The following PLCB1 variants were observed in gnomAD, a reference collection of about 807,000 sequenced individuals.
The protein encoded by PLCB1 is 1-phosphatidylinositol 4,5-bisphosphate phosphodiesterase beta-1.
In PLCB1, 46 loss-of-function variants were observed where a neutral mutation model predicts 161.8. The observed-to-expected ratio is 0.28, with a 90% CI of 0.22 to 0.36. The LOEUF (loss-of-function observed/expected upper bound fraction) is 0.36. Among genes scored for constraint, PLCB1 ranks in the 10% least tolerant of loss-of-function variants. The pLI is 1.00. For missense variants in PLCB1, 1,016 were observed against 1,472.5 expected (o/e 0.69, Z 5.07); for synonymous variants, 517 against 503.7 (o/e 1.03, Z -0.35).
At chr20:8,278,271 TTA>T (rs1416044978) in intron 2 of PLCB1, among the ~76,000 whole-genome samples, 6 of 146,452 alleles carry the variant, frequency 4.1e-5, no homozygotes, top group Admixed American at 2.7e-4. Context: ...TATAAATATA[TTA>T]TATAAATATA....
chr20:8,860,472 C>T (rs1054037579), intron 31 of PLCB1, among the ~76,000 whole-genome samples: 1 of 152,208 alleles, frequency 6.6e-6, no homozygotes, highest in Non-Finnish European at 1.5e-5. Flanking sequence ...TATTATTTAA[C>T]TTTGCCTTGG....
chr20:8,848,118 CTT>C (rs1454555725), intron 31 of PLCB1, among the ~76,000 whole-genome samples: 2 of 152,170 alleles, frequency 1.3e-5, no homozygotes, highest in East Asian at 3.9e-4. Context: ...TTAATCACCT[CTT>C]GTTTGCCCCA....
intron 31 of PLCB1, among the ~76,000 whole-genome samples, chr20:8,814,880 G>A (rs189562325): frequency 1.2e-4 from 19 of 152,280 alleles, no homozygotes; most frequent in African/African-American, 4.6e-4. Flanking sequence ...GGCCCAGAGA[G>A]GTCCACTTAC....
chr20:8,347,521 A>G (rs1192062845), intron 2 of PLCB1, among the ~76,000 whole-genome samples: 1 of 152,086 alleles, frequency 6.6e-6, no homozygotes, highest in Non-Finnish European at 1.5e-5. Flanking sequence ...TTTCTTTTAT[A>G]TTTCCTTGGA....
intron 2 of PLCB1, among the ~76,000 whole-genome samples, chr20:8,259,065 C>T (rs1204266250): frequency 6.6e-6 from 1 of 152,174 alleles, no homozygotes; most frequent in Non-Finnish European, 1.5e-5. Flanking sequence ...TTTCATGTAG[C>T]ATAACGCCTT....
rs1327412187 is a variant in PLCB1 at position 8,743,822 on chromosome 20, A to C, written c.2523+2249A>C. 5.3e-5 allele frequency among the ~76,000 whole-genome samples: 8 copies of C among 152,154 alleles called. No homozygotes were observed. In the East Asian group the frequency reaches 1.5e-3, roughly 29 times the overall value. On this transcript the variant is annotated intron_variant, in intron 23 of 31. Transcript: ENST00000338037. ...TATAATAGTGCTTTTTCTCTTTTCC[A>C]TGGCCTTTAAAAGATTAAGAAAGAC...
At chr20:8,391,148 T>C (rs997266609) in intron 3 of PLCB1, among the ~76,000 whole-genome samples, 9 of 152,214 alleles carry the variant, frequency 5.9e-5, no homozygotes, top group African/African-American at 2.2e-4. Context: ...CACTATAATC[T>C]ATATTTATAT....
intron 2 of PLCB1, among the ~76,000 whole-genome samples, chr20:8,335,877 A>G (rs1985555667): frequency 1.3e-5 from 2 of 152,354 alleles, no homozygotes; most frequent in Admixed American, 1.3e-4. Flanking sequence ...ATTAGCCAAG[A>G]AAAAAGGACT....
At chr20:8,483,444 G>A (rs534733748) in intron 3 of PLCB1, among the ~76,000 whole-genome samples, 8 of 152,130 alleles carry the variant, frequency 5.3e-5, no homozygotes, top group South Asian at 2.1e-4. Flanking sequence ...ATATGAAGTC[G>A]GTCCTCAGAA....
intron 2 of PLCB1, among the ~76,000 whole-genome samples, chr20:8,191,446 G>A (rs1276282338): frequency 1.3e-5 from 2 of 151,594 alleles, no homozygotes; most frequent in Admixed American, 1.3e-4. Flanking sequence ...ACCATTTCAC[G>A]GTAAGTTGCA....
chr20:8,254,568 A>G lies in PLCB1; in HGVS notation c.177+104197A>G, dbSNP rs75961928. ...CTTTCCTGAGGAGTGCTTAATCAAG[A>G]AAAAAAAAGGCTTTTCTTCATATAA... On this transcript the variant is annotated intron_variant, in intron 2 of 31. Coordinates refer to ENST00000338037, the MANE Select transcript of PLCB1 (RefSeq NM_015192.4). Among the ~76,000 whole-genome samples, 10 of 93,270 alleles carry G rather than the reference A, an allele frequency of 1.1e-4. No homozygotes were observed. The South Asian group carries it at 3.7e-3, about 34-fold the overall frequency. The allele number at this position is 93,270 out of a possible 152,430, so 61.2% of individuals were successfully genotyped here. A position where few individuals can be genotyped will look rare whatever the true frequency, so the allele number is the denominator to read the frequency against.
At position 8,137,396 on chromosome 20, in the gene PLCB1, A is replaced by G. The variant is rs576113623; in HGVS notation, c.99+4646A>G. Among the ~76,000 whole-genome samples the G allele has an allele frequency of 2.0e-5, 3 of 152,322 alleles. No homozygotes were observed. The East Asian group carries it at 5.8e-4, about 29-fold the overall frequency. On this transcript the variant is annotated intron_variant, in intron 1 of 31. Coordinates refer to ENST00000338037, the MANE Select transcript of PLCB1 (RefSeq NM_015192.4). ...CTGAGTTGGTAGCTGGCTGATGTGGATGGAGCAACTACAAAGTGCAAGGTG... is the reference window on the plus strand; with the variant it reads ...CTGAGTTGGTAGCTGGCTGATGTGGGTGGAGCAACTACAAAGTGCAAGGTG...
intron 3 of PLCB1, among the ~76,000 whole-genome samples, chr20:8,479,164 GTTTA>G (rs1269570015): frequency 1.3e-5 from 2 of 151,940 alleles, no homozygotes; most frequent in African/African-American, 2.4e-5. Flanking sequence ...AACTTTGCTT[GTTTA>G]TTTGTTTTAT....
intron 8 of PLCB1, 82 bp from the exon 9 acceptor site, chr20:8,658,456 T>C: frequency 9.3e-7 from 1 of 1,080,390 alleles, no homozygotes; most frequent in Non-Finnish European, 1.3e-6. Context: ...TATAAGATTT[T>C]ATTTCCCTAG....
At chr20:8,614,757 A>G (rs770303851) in intron 3 of PLCB1, among the ~76,000 whole-genome samples, 1 of 152,124 alleles carries the variant, frequency 6.6e-6, no homozygotes. Flanking sequence ...CAAGTATTCA[A>G]TAGCCATGTG....
chr20:8,641,833 T>C (rs6039216), intron 4 of PLCB1, among the ~76,000 whole-genome samples: 69,900 of 151,980 alleles, frequency 0.46, 17,298 homozygotes, highest in African/African-American at 0.65. Flanking sequence ...GTAATAGCAA[T>C]CAAGAAAGCC....
At chr20:8,236,537 T>C (rs1359035455) in intron 2 of PLCB1, among the ~76,000 whole-genome samples, 1 of 151,854 alleles carries the variant, frequency 6.6e-6, no homozygotes. Context: ...CATCTCAAAA[T>C]ATTAATTAAT....
At chr20:8,741,723 A>G (rs1214587064) in intron 23 of PLCB1, 150 bp downstream of exon 23, 2 of 568,126 alleles carry the variant, frequency 3.5e-6, no homozygotes, top group African/African-American at 3.8e-5. Context: ...GTCACAGAAC[A>G]TCTAGATGAT....
intron 3 of PLCB1, among the ~76,000 whole-genome samples, chr20:8,589,670 G>A (rs898506644): frequency 7.3e-6 from 1 of 137,112 alleles, no homozygotes; most frequent in Non-Finnish European, 1.5e-5. Flanking sequence ...AGACTGGAGT[G>A]CAATGATGCA....
Sources: allele counts gnomAD v4.1 joint callset (sites outside exome capture counted in the v4.1 genomes callset), GRCh38; gene constraint gnomAD v4.1.1; transcripts MANE v1.5; gene names NCBI Gene and HGNC (gene_info 2026-07-23, HGNC 2026-07-21).